The following GLP1R variants were observed in gnomAD, a reference collection of about 807,000 sequenced individuals.
GLP1R encodes the protein glucagon-like peptide 1 receptor.
In GLP1R, 32 loss-of-function variants were observed where a neutral mutation model predicts 68.4. That is an observed-to-expected ratio of 0.47 (90% confidence interval 0.35 to 0.63). The LOEUF (loss-of-function observed/expected upper bound fraction) is 0.63. Among genes scored for constraint, GLP1R ranks in the 20% least tolerant of loss-of-function variants. The probability of loss-of-function intolerance (pLI) is 0.00; values close to 1 mark genes in which losing one functional copy is unlikely to be tolerated. For synonymous variants in GLP1R, 263 were observed against 244.4 expected, an observed-to-expected ratio of 1.08 and a Z score of -0.71; for missense variants, 502 against 594.9, an observed-to-expected ratio of 0.84 and a Z score of 1.62.
chr6:39,079,116 A>T lies in GLP1R; in HGVS notation c.959A>T (p.Asn320Ile), dbSNP rs1768920170. The change falls in exon 10 of 13, where the codon AAC (asparagine) becomes ATC (isoleucine). Residue 320 changes from asparagine to isoleucine, a missense_variant. Coordinates refer to ENST00000373256, the MANE Select transcript of GLP1R (RefSeq NM_002062.5). The surrounding 1 kb of genome is among the most constrained non-coding windows in gnomAD (Gnocchi z 4.5). The stretch of plus-strand genomic sequence containing the variant: ...ATCCCCGGCCCCACCCCGCAGGTGA[A>T]CTTCCTCATCTTTGTTCGGGTCATC... ...RLPILFAIGV[N>I]FLIFVRVICI... 1 of 1,613,864 alleles carries T rather than the reference A, an allele frequency of 6.2e-7. No homozygotes were observed. The highest frequency in any genetic ancestry group is 1.3e-5 in the African/African-American group (1 of 74,918).
Position 39,072,905 on chromosome 6 carries a change from G to T in GLP1R, c.553G>T (p.Ala185Ser). The T allele has an allele frequency of 6.2e-7, 1 of 1,614,134 alleles. No individual in the cohort carries two copies. Among genetic ancestry groups the T allele is most frequent in the Non-Finnish European group, 8.5e-7 (1 of 1,179,968 alleles). The change falls in exon 6 of 13, where the codon GCA becomes TCA. Residue 185 changes from alanine (A) to serine (S), a missense_variant. Coordinates refer to ENST00000373256, the MANE Select transcript of GLP1R (RefSeq NM_002062.5). ...TRNYIHLNLF[A>S]SFILRALSVF... ...GAACTACATCCACCTGAACCTGTTTGCATCCTTCATCCTGCGAGCATTGTC... is the reference window on the plus strand; with the variant it reads ...GAACTACATCCACCTGAACCTGTTTTCATCCTTCATCCTGCGAGCATTGTC...
chr6:39,075,502 G>C (rs1420402887), intron 7 of GLP1R, among the ~76,000 whole-genome samples: 1 of 152,204 alleles, frequency 6.6e-6, no homozygotes, highest in Non-Finnish European at 1.5e-5. Flanking sequence ...AGGTCTCTGA[G>C]TGGGAGATGG....
At chr6:39,059,985 C>T (rs1768317161) in intron 3 of GLP1R, among the ~76,000 whole-genome samples, 1 of 152,182 alleles carries the variant, frequency 6.6e-6, no homozygotes, top group Non-Finnish European at 1.5e-5. Flanking sequence ...AGCCTTTCCC[C>T]AACCCCGTCC....
At position 39,052,267 on chromosome 6, in the gene GLP1R, A is replaced by AAAG. The variant is rs1562001682; in HGVS notation, c.78+3351_78+3352insGAA. On this transcript the variant is annotated intron_variant, in intron 1 of 12. Coordinates refer to ENST00000373256, the MANE Select transcript of GLP1R (RefSeq NM_002062.5). Reference sequence around the variant, plus strand: ...ATTGTAAGCTCTGAGCTTTTGAAAAAAAAGAAAGAAAGAAAGAAAAACAAG... The same window carrying AAAG: ...ATTGTAAGCTCTGAGCTTTTGAAAAAAAGAAAGAAAGAAAGAAAGAAAAACAAG... Among the ~76,000 whole-genome samples the AAAG allele has an allele frequency of 2.3e-3, 356 of 152,220 alleles. 3 individuals are homozygous for AAAG. The highest frequency in any genetic ancestry group is 7.7e-3 in the African/African-American group (320 of 41,494).
In GLP1R at chr6:39,079,324, C is replaced by A; in HGVS notation, c.1043+124C>A. 1 of 853,294 alleles carries A rather than the reference C, an allele frequency of 1.2e-6. No individual in the cohort carries two copies. The highest frequency in any genetic ancestry group is 1.9e-6 in the Non-Finnish European group (1 of 522,452). 52.9% of individuals were successfully genotyped at this position (853,294 alleles called of 1,614,324 possible). A position where few individuals can be genotyped will look rare whatever the true frequency, so the allele number is the denominator to read the frequency against. Reference sequence around the variant, plus strand: ...CCCTACACTACCCTCTCCTTCCACCCAGGCCTGGCCTTGGACCCCAAACCC... The same window carrying A: ...CCCTACACTACCCTCTCCTTCCACCAAGGCCTGGCCTTGGACCCCAAACCC... On this transcript the variant is annotated intron_variant, in intron 10 of 12. Coordinates refer to ENST00000373256, the MANE Select transcript of GLP1R (RefSeq NM_002062.5). This position sits in a 1 kb window ranked among gnomAD's most constrained non-coding sequence, Gnocchi z 4.5.
rs146868158 is a variant in GLP1R at position 39,085,942 on chromosome 6, C to T, written c.1261C>T (p.Arg421Trp). The change falls in exon 13 of 13, where the codon CGG (arginine) becomes TGG (tryptophan). Residue 421 changes from arginine to tryptophan, a missense_variant. Coordinates refer to ENST00000373256, the MANE Select transcript of GLP1R (RefSeq NM_002062.5). ...LEFRKSWERWRLEHLHIQRDS... is the reference protein window; with the variant it reads ...LEFRKSWERWWLEHLHIQRDS... The stretch of plus-strand genomic sequence containing the variant: ...ATTTCGGAAGAGCTGGGAGCGCTGG[C>T]GGCTTGAGCACTTGCACATCCAGAG... The T allele has an allele frequency of 4.5e-4, 732 of 1,613,782 alleles. No individual in the cohort carries two copies. Among genetic ancestry groups the T allele is most frequent in the Non-Finnish European group, 5.0e-4 (595 of 1,179,876 alleles).
At position 39,085,962 on chromosome 6, in the gene GLP1R, C is replaced by G; in HGVS notation, c.1281C>G (p.Ile427Met). The change falls in exon 13 of 13, where the codon ATC becomes ATG. Residue 427 changes from isoleucine (I) to methionine (M), a missense_variant. By Grantham distance (10) the Ile-to-Met change is conservative (BLOSUM62 1). Transcript: ENST00000373256. ...GCTGGCGGCTTGAGCACTTGCACAT[C>G]CAGAGGGACAGCAGCATGAAGCCCC... ...WERWRLEHLHIQRDSSMKPLK... is the reference protein window; with the variant it reads ...WERWRLEHLHMQRDSSMKPLK... 6.2e-7 allele frequency: 1 copy of G among 1,613,928 alleles called. No homozygotes were observed.
chr6:39,077,902 T>C (rs1352774009), intron 7 of GLP1R, among the ~76,000 whole-genome samples: 2 of 152,192 alleles, frequency 1.3e-5, no homozygotes, highest in African/African-American at 4.8e-5. Context: ...AGGAGTTGAC[T>C]GGCAACGTGG....
chr6:39,068,563 GA>G (rs1768578933), intron 5 of GLP1R, among the ~76,000 whole-genome samples: 1 of 152,240 alleles, frequency 6.6e-6, no homozygotes, highest in Non-Finnish European at 1.5e-5. Flanking sequence ...GGATTTCAAA[GA>G]AGTAACTATG....
chr6:39,090,668 C>T lies in GLP1R; in HGVS notation c.*4595C>T, dbSNP rs191510303. On this transcript the variant is annotated 3_prime_UTR_variant, in exon 13 of 13. Coordinates refer to ENST00000373256, the MANE Select transcript of GLP1R (RefSeq NM_002062.5). ...ACATTGGGTGGTGCAACCTTTCTGA[C>T]GGGGCCTGCCAAACTATCAGTAATT... 6.2e-4 allele frequency among the ~76,000 whole-genome samples: 94 copies of T among 152,270 alleles called. No individual in the cohort carries two copies. Among genetic ancestry groups the T allele is most frequent in the East Asian group, 2.3e-3 (12 of 5,184 alleles).
At chr6:39,050,834 A>G (rs1768070761) in intron 1 of GLP1R, among the ~76,000 whole-genome samples, 1 of 152,180 alleles carries the variant, frequency 6.6e-6, no homozygotes, top group Non-Finnish European at 1.5e-5. Flanking sequence ...CCCTGTATAA[A>G]GTAGCCCAGC....
chr6:39,071,345 C>CAAAAAAAAAAAAAAAA (rs35740935), intron 5 of GLP1R, among the ~76,000 whole-genome samples: 2 of 85,922 alleles, frequency 2.3e-5, no homozygotes, highest in African/African-American at 9.6e-5. Context: ...GATTCCATCT[C>CAAAAAAAAAAAAAAAA]AAAAAAAAAA....
Position 39,079,152 on chromosome 6 carries a change from T to C in GLP1R, c.995T>C (p.Val332Ala), listed in dbSNP as rs1019126528. 5.0e-6 allele frequency: 8 copies of C among 1,613,976 alleles called. No homozygotes were observed. The African/African-American group carries it at 8.0e-5, about 16-fold the overall frequency. ...LIFVRVICIVVSKLKANLMCK... is the reference protein window; with the variant it reads ...LIFVRVICIVASKLKANLMCK... ...TTTGTTCGGGTCATCTGCATCGTGG[T>C]ATCCAAACTGAAGGCCAATCTCATG... is the stretch of plus-strand genomic sequence containing the variant. The change falls in exon 10 of 13, where the codon GTA becomes GCA. Residue 332 changes from valine (V) to alanine (A), a missense_variant. Transcript: ENST00000373256. This position sits in a 1 kb window ranked among gnomAD's most constrained non-coding sequence, Gnocchi z 4.5.
chr6:39,070,743 T>C (rs1176747048), intron 5 of GLP1R, among the ~76,000 whole-genome samples: 1 of 152,208 alleles, frequency 6.6e-6, no homozygotes, highest in Non-Finnish European at 1.5e-5. Flanking sequence ...GTGAGTTGCT[T>C]TTTCATATCC....
At chr6:39,058,178 G>T (rs916203800) in intron 3 of GLP1R, among the ~76,000 whole-genome samples, 1 of 152,212 alleles carries the variant, frequency 6.6e-6, no homozygotes, top group Non-Finnish European at 1.5e-5. Flanking sequence ...CAGGAAAAGA[G>T]CTGGGTGGGG....
At chr6:39,060,888 C>T (rs967181323) in intron 3 of GLP1R, among the ~76,000 whole-genome samples, 3 of 152,162 alleles carry the variant, frequency 2.0e-5, no homozygotes, top group South Asian at 2.1e-4. Flanking sequence ...GGGTAACCCC[C>T]CTCCATGGAG....
At chr6:39,050,293 C>T (rs1358255065) in intron 1 of GLP1R, among the ~76,000 whole-genome samples, 1 of 152,160 alleles carries the variant, frequency 6.6e-6, no homozygotes, top group African/African-American at 2.4e-5. Context: ...ATCGTTCCCT[C>T]CTCTTACGGA....
At chr6:39,061,308 G>A (rs973389527) in intron 3 of GLP1R, among the ~76,000 whole-genome samples, 21 of 152,210 alleles carry the variant, frequency 1.4e-4, no homozygotes, top group Admixed American at 2.6e-4. Context: ...CCTGTTGGCC[G>A]CCCGAGGGCC....
intron 12 of GLP1R, among the ~76,000 whole-genome samples, chr6:39,082,608 G>A (rs2268640): frequency 0.67 from 101,172 of 152,076 alleles, 35,660 homozygotes; most frequent in African/African-American, 0.89. Context: ...CTCAAAATGA[G>A]TTTCTTTAAA....
Sources: allele counts gnomAD v4.1 joint callset (sites outside exome capture counted in the v4.1 genomes callset), GRCh38; gene constraint gnomAD v4.1.1; non-coding constraint Gnocchi (gnomAD v3.1); transcripts MANE v1.5; gene names NCBI Gene and HGNC (gene_info 2026-07-23, HGNC 2026-07-21).